Variants in KIAA0319L observed in about 807,000 individuals in gnomAD.
KIAA0319L encodes the protein KIAA0319 like, also known as dyslexia-associated protein KIAA0319-like protein.
A neutral mutation model predicts 120.1 loss-of-function variants in KIAA0319L; 55 were observed. The observed-to-expected ratio is 0.46, with a 90% CI of 0.37 to 0.57. The LOEUF (loss-of-function observed/expected upper bound fraction) is 0.57. Among genes scored for constraint, KIAA0319L ranks in the 20% least tolerant of loss-of-function variants. The pLI is 0.00. For missense variants in KIAA0319L, 1,049 were observed against 1,255.3 expected, an observed-to-expected ratio of 0.84 and a Z score of 2.48; for synonymous variants, 398 against 471.9, an observed-to-expected ratio of 0.84 and a Z score of 2.03.
At position 35,448,038 on chromosome 1, in the gene KIAA0319L, G is replaced by A; in HGVS notation, c.2513+135C>T. 3 of 833,660 alleles carry A rather than the reference G, an allele frequency of 3.6e-6. No individual in the cohort carries two copies. The South Asian group carries it at 5.4e-5, about 15-fold the overall frequency. 51.6% of individuals were successfully genotyped at this position (833,660 alleles called of 1,614,324 possible). ...CTGCACTAGAAGACAGAAGTCTATT[G>A]AAGAAAAGGCAACATGAGTGTTTCT... is the stretch of plus-strand genomic sequence containing the variant. On this transcript the variant is annotated intron_variant, in intron 16 of 20. Coordinates refer to ENST00000325722, the MANE Select transcript of KIAA0319L (RefSeq NM_024874.5).
intron 3 of KIAA0319L, among the ~76,000 whole-genome samples, chr1:35,495,226 A>T (rs1216914560): frequency 1.3e-5 from 2 of 152,014 alleles, no homozygotes. Flanking sequence ...TACAAAAATT[A>T]ACCAGGCGTG....
At chr1:35,440,382 G>T (rs551490803) in intron 20 of KIAA0319L, 1 of 152,378 alleles carries the variant, frequency 6.6e-6, no homozygotes, top group East Asian at 1.9e-4. Flanking sequence ...AGAGTGTTTA[G>T]GAATCGCTTT....
At chr1:35,475,010 C>A in intron 4 of KIAA0319L, 104 bp from the exon 5 acceptor site, 1 of 667,740 alleles carries the variant, frequency 1.5e-6, no homozygotes, top group Non-Finnish European at 2.6e-6. Flanking sequence ...TATTCAGCTA[C>A]TGCCATCAAT....
At chr1:35,462,778 T>C in intron 7 of KIAA0319L, 65 bp from the exon 8 acceptor site, 2 of 1,233,234 alleles carry the variant, frequency 1.6e-6, no homozygotes, top group East Asian at 4.7e-5. Flanking sequence ...GCAGGCTGTA[T>C]CTGAGAGGAT....
chr1:35,557,369 C>T lies in KIAA0319L; in HGVS notation c.-191G>A, dbSNP rs1036355241. On this transcript the variant is annotated 5_prime_UTR_variant, in exon 1 of 21. Coordinates refer to ENST00000325722, the MANE Select transcript of KIAA0319L (RefSeq NM_024874.5). ...CCCCACCCGGACAGCTACCTCTCGC[C>T]TCAGCCTCCCTGGACAGCGACGGCG... 1 of 297,186 alleles carries T rather than the reference C, an allele frequency of 3.4e-6. No individual in the cohort carries two copies. The highest frequency in any genetic ancestry group is 2.3e-5 in the African/African-American group (1 of 42,956). The allele number at this position is 297,186 out of a possible 1,614,324, so 18.4% of individuals were successfully genotyped here.
intron 3 of KIAA0319L, among the ~76,000 whole-genome samples, chr1:35,500,319 C>A (rs146314486): frequency 1.3e-5 from 2 of 152,188 alleles, no homozygotes; most frequent in African/African-American, 4.8e-5. Context: ...ATACTGTACA[C>A]GTTCCAGGAC....
rs551982954 is a variant in KIAA0319L at position 35,442,812 on chromosome 1, C to T, written c.2779+94G>A. On this transcript the variant is annotated intron_variant, in intron 18 of 20. Coordinates refer to ENST00000325722, the MANE Select transcript of KIAA0319L (RefSeq NM_024874.5). ...TACACAAAGTTCTTCTCCTTGCCTG[C>T]TCATCTGCTTCAGAAACACCAACAC... 59 of 1,452,648 alleles carry T rather than the reference C, an allele frequency of 4.1e-5. No homozygotes were observed. In the African/African-American group the frequency reaches 7.6e-4, roughly 19 times the overall value. 90.0% of individuals were successfully genotyped at this position (1,452,648 alleles called of 1,614,324 possible).
chr1:35,446,510 C>T (rs1457944800), intron 16 of KIAA0319L, among the ~76,000 whole-genome samples: 2 of 152,218 alleles, frequency 1.3e-5, no homozygotes, highest in East Asian at 3.8e-4. Context: ...CTGCCTCCAA[C>T]ATCTAAGTAA....
At chr1:35,449,424 C>T (rs77753677) in intron 15 of KIAA0319L, among the ~76,000 whole-genome samples, 2 of 152,174 alleles carry the variant, frequency 1.3e-5, no homozygotes, top group Admixed American at 1.3e-4. Context: ...TCAGACAAGG[C>T]CTGAGGCTCA....
Position 35,506,565 on chromosome 1 carries a change from A to G in KIAA0319L, c.666+47T>C, listed in dbSNP as rs1178428576. 1.3e-6 allele frequency: 2 copies of G among 1,531,360 alleles called. No individual in the cohort carries two copies. Among genetic ancestry groups the G allele is most frequent in the African/African-American group, 2.7e-5 (2 of 73,144 alleles). The allele number at this position is 1,531,360 out of a possible 1,614,324, so 94.9% of individuals were successfully genotyped here. A position where few individuals can be genotyped will look rare whatever the true frequency, so the allele number is the denominator to read the frequency against. On this transcript the variant is annotated intron_variant, in intron 3 of 20. Transcript: ENST00000325722. This position sits in a 1 kb window ranked among gnomAD's most constrained non-coding sequence, Gnocchi z 4.0. ...TCATTGCTCATATATACCAAATGTA[A>G]GAGCAGATTTAACCATTTCTCTGCT... is the stretch of plus-strand genomic sequence containing the variant.
intron 2 of KIAA0319L, among the ~76,000 whole-genome samples, chr1:35,541,383 T>C (rs1646787320): frequency 7.3e-6 from 1 of 137,264 alleles, no homozygotes; most frequent in African/African-American, 2.7e-5. Flanking sequence ...GGAATCTAAC[T>C]CTGTCACGCA....
intron 2 of KIAA0319L, among the ~76,000 whole-genome samples, chr1:35,537,012 C>T (rs1646599692): frequency 6.6e-6 from 1 of 152,184 alleles, no homozygotes; most frequent in South Asian, 2.1e-4. Context: ...GAGCACGCCT[C>T]CAAGCCACAG....
At chr1:35,537,098 T>C (rs915328962) in intron 2 of KIAA0319L, among the ~76,000 whole-genome samples, 1 of 152,204 alleles carries the variant, frequency 6.6e-6, no homozygotes, top group Non-Finnish European at 1.5e-5. Flanking sequence ...TTATAACAGA[T>C]AAACTTTTGC....
intron 2 of KIAA0319L, among the ~76,000 whole-genome samples, chr1:35,551,874 G>A (rs1444919027): frequency 3.3e-5 from 5 of 152,116 alleles, no homozygotes; most frequent in African/African-American, 1.2e-4. Context: ...TAATTAGGGT[G>A]CTGTTTTTAA....
At position 35,459,337 on chromosome 1, in the gene KIAA0319L, T is replaced by C. The variant is rs577587233; in HGVS notation, c.1427+968A>G. On this transcript the variant is annotated intron_variant, in intron 9 of 20. Coordinates refer to ENST00000325722, the MANE Select transcript of KIAA0319L (RefSeq NM_024874.5). ...AATCTGCATTTAGGGCCAGGCACGG[T>C]GGCTCACACCTGTAATCCCAGAACT... 1.7e-4 allele frequency among the ~76,000 whole-genome samples: 26 copies of C among 152,312 alleles called. 1 individual carries two copies. The highest frequency in any genetic ancestry group is 6.3e-4 in the African/African-American group (26 of 41,568).
chr1:35,452,102 G>T (rs865941526), intron 12 of KIAA0319L, among the ~76,000 whole-genome samples: 24 of 152,210 alleles, frequency 1.6e-4, no homozygotes, highest in African/African-American at 5.8e-4. Context: ...TCAAAAGAAT[G>T]ATTTAAGAGT....
chr1:35,552,685 T>C (rs979305587), intron 2 of KIAA0319L, among the ~76,000 whole-genome samples: 1 of 152,230 alleles, frequency 6.6e-6, no homozygotes, highest in Admixed American at 6.5e-5. Context: ...TCCCAGCTAT[T>C]CAGTAGGCCA....
chr1:35,482,834 C>T (rs1644229661), intron 3 of KIAA0319L, among the ~76,000 whole-genome samples: 1 of 152,174 alleles, frequency 6.6e-6, no homozygotes, highest in Non-Finnish European at 1.5e-5. Flanking sequence ...AACTGCCAAA[C>T]CATTTTCTGA....
chr1:35,492,235 G>A lies in KIAA0319L; in HGVS notation c.667-13023C>T, dbSNP rs28789769. Among the ~76,000 whole-genome samples, 3,019 of 152,212 alleles carry A rather than the reference G, an allele frequency of 0.02. 199 individuals are homozygous for A. In the East Asian group the frequency reaches 0.24, roughly 12 times the overall value. ...TACATCAAAATAATATCATGACCAAGCTGGGCGCGGAGGCTCACGTCTGTA... is the reference window on the plus strand; with the variant it reads ...TACATCAAAATAATATCATGACCAAACTGGGCGCGGAGGCTCACGTCTGTA... On this transcript the variant is annotated intron_variant, in intron 3 of 20. Coordinates refer to ENST00000325722, the MANE Select transcript of KIAA0319L (RefSeq NM_024874.5).
Sources: gnomAD v4.1 joint callset for allele counts (sites outside exome capture counted in the v4.1 genomes callset) on GRCh38, gnomAD v4.1.1 for gene constraint, Gnocchi (gnomAD v3.1) non-coding constraint, MANE v1.5 for transcripts, NCBI Gene and HGNC (gene_info 2026-07-23, HGNC 2026-07-21) for gene names.